The following FSTL5 variants were observed in gnomAD, a reference collection of about 807,000 sequenced individuals.
FSTL5 encodes follistatin-related protein 5.
In FSTL5, 62 loss-of-function variants were observed where a neutral mutation model predicts 89.1. The ratio of observed to expected loss-of-function variants is 0.70; its 90% CI spans 0.57 to 0.86. The LOEUF (loss-of-function observed/expected upper bound fraction) is 0.86, where lower values mean the gene tolerates loss of function less well. Ranked by LOEUF, FSTL5 falls within the 40% of genes least tolerant of loss-of-function variation. The probability of loss-of-function intolerance (pLI) is 0.00; values close to 1 mark genes in which losing one functional copy is unlikely to be tolerated. For missense variants in FSTL5, 1,057 were observed against 1,001.6 expected (o/e 1.06, Z -0.75); for synonymous variants, 383 against 346.2 (o/e 1.11, Z -1.18).
chr4:161,835,524 A>G (rs1192344513), intron 4 of FSTL5, among the ~76,000 whole-genome samples: 1 of 152,046 alleles, frequency 6.6e-6, no homozygotes, highest in East Asian at 1.9e-4. Context: ...GCAACCTACA[A>G]CATGGGAGAA....
intron 4 of FSTL5, among the ~76,000 whole-genome samples, chr4:161,874,537 C>T (rs1168449454): frequency 2.0e-5 from 3 of 150,250 alleles, no homozygotes; most frequent in African/African-American, 7.3e-5. Flanking sequence ...CTCATGCTCT[C>T]CACAGCTTCC....
chr4:161,913,031 T>C (rs1272131188), intron 4 of FSTL5, among the ~76,000 whole-genome samples: 1 of 152,176 alleles, frequency 6.6e-6, no homozygotes, highest in East Asian at 1.9e-4. Context: ...TGGAAAAAAT[T>C]TCTAAGCAGC....
intron 1 of FSTL5, among the ~76,000 whole-genome samples, chr4:162,138,152 T>C (rs1019492946): frequency 3.3e-5 from 5 of 152,176 alleles, no homozygotes; most frequent in African/African-American, 7.2e-5. Context: ...ATATTACTTA[T>C]ATTTATATCT....
intron 2 of FSTL5, among the ~76,000 whole-genome samples, chr4:162,079,137 A>C (rs1192298103): frequency 6.6e-6 from 1 of 151,786 alleles, no homozygotes; most frequent in Non-Finnish European, 1.5e-5. Flanking sequence ...GAAAAATATT[A>C]ATCTACTTTT....
chr4:161,905,099 T>C (rs1465965951), intron 4 of FSTL5, among the ~76,000 whole-genome samples: 2 of 152,124 alleles, frequency 1.3e-5, no homozygotes, highest in Non-Finnish European at 2.9e-5. Context: ...TTGGAAGATA[T>C]TATGCTGTAA....
chr4:162,104,214 C>T (rs532670108), intron 2 of FSTL5, among the ~76,000 whole-genome samples: 7 of 152,178 alleles, frequency 4.6e-5, no homozygotes, highest in East Asian at 1.9e-4. Context: ...TGTTCCTGCA[C>T]GGCTAAGTGC....
chr4:161,982,019 C>T (rs2111050923), intron 3 of FSTL5, among the ~76,000 whole-genome samples: 1 of 152,266 alleles, frequency 6.6e-6, no homozygotes, highest in Admixed American at 6.5e-5. Flanking sequence ...TTCATTAATT[C>T]TTATTCCTCC....
intron 6 of FSTL5, among the ~76,000 whole-genome samples, chr4:161,739,917 C>G (rs541801665): frequency 6.6e-6 from 1 of 151,848 alleles, no homozygotes; most frequent in South Asian, 2.1e-4. Context: ...CTTAAAGCAT[C>G]CTTATATTTA....
intron 5 of FSTL5, among the ~76,000 whole-genome samples, chr4:161,774,846 C>T: frequency 6.6e-6 from 1 of 151,866 alleles, no homozygotes; most frequent in Admixed American, 6.6e-5. Flanking sequence ...GCATAGATAT[C>T]CTAATTAAAA....
chr4:162,034,798 C>T (rs1737668590), intron 2 of FSTL5, among the ~76,000 whole-genome samples: 1 of 152,110 alleles, frequency 6.6e-6, no homozygotes, highest in African/African-American at 2.4e-5. Flanking sequence ...AATTAATCCA[C>T]AATTTAGAAT....
At chr4:161,910,006 A>G (rs958393068) in intron 4 of FSTL5, among the ~76,000 whole-genome samples, 3 of 152,074 alleles carry the variant, frequency 2.0e-5, no homozygotes, top group African/African-American at 4.8e-5. Flanking sequence ...TGAGCTTGGT[A>G]TCTCATTTCC....
intron 3 of FSTL5, among the ~76,000 whole-genome samples, chr4:161,995,986 T>C (rs1736283794): frequency 1.3e-5 from 2 of 152,066 alleles, no homozygotes; most frequent in South Asian, 2.1e-4. Context: ...ACAAAGCGCT[T>C]TATTAGCAAG....
At chr4:161,618,012 G>T (rs1051558382) in intron 7 of FSTL5, among the ~76,000 whole-genome samples, 1 of 152,140 alleles carries the variant, frequency 6.6e-6, no homozygotes, top group African/African-American at 2.4e-5. Flanking sequence ...TGAGTGGTTT[G>T]TAGTTCTCCT....
At chr4:161,399,953 A>G (rs1326599612) in intron 15 of FSTL5, among the ~76,000 whole-genome samples, 2 of 152,142 alleles carry the variant, frequency 1.3e-5, no homozygotes, top group Non-Finnish European at 2.9e-5. Context: ...GATTGTGTGA[A>G]TAAGTCTGGA....
At chr4:162,121,371 T>C (rs1324622805) in intron 1 of FSTL5, among the ~76,000 whole-genome samples, 1 of 152,030 alleles carries the variant, frequency 6.6e-6, no homozygotes, top group Non-Finnish European at 1.5e-5. Flanking sequence ...ACTCATTTTT[T>C]ACCTCTCAAA....
At chr4:161,514,137 A>G (rs1217912740) in intron 10 of FSTL5, among the ~76,000 whole-genome samples, 1 of 152,168 alleles carries the variant, frequency 6.6e-6, no homozygotes, top group Non-Finnish European at 1.5e-5. Context: ...TAAACTAAGA[A>G]TACAGGGATA....
chr4:161,608,776 A>C (rs966674974), intron 7 of FSTL5, among the ~76,000 whole-genome samples: 3 of 151,984 alleles, frequency 2.0e-5, no homozygotes, highest in Non-Finnish European at 4.4e-5. Flanking sequence ...GAGAGTTTTA[A>C]ATTTCACATT....
At chr4:161,618,537 T>C (rs1323226246) in intron 7 of FSTL5, among the ~76,000 whole-genome samples, 2 of 150,374 alleles carry the variant, frequency 1.3e-5, no homozygotes, top group Admixed American at 6.7e-5. Context: ...GCATGAAGGG[T>C]TGTTGAATTT....
chr4:162,116,409 G>A (rs1006457909), intron 1 of FSTL5, among the ~76,000 whole-genome samples: 1 of 152,280 alleles, frequency 6.6e-6, no homozygotes, highest in African/African-American at 2.4e-5. Flanking sequence ...TCTCCACGTA[G>A]GTGTGGGCTT....
Sources: gnomAD v4.1 joint callset for allele counts (sites outside exome capture counted in the v4.1 genomes callset) on GRCh38, gnomAD v4.1.1 for gene constraint, MANE v1.5 for transcripts, NCBI Gene and HGNC (gene_info 2026-07-23, HGNC 2026-07-21) for gene names.